RXFP1: variants seen among roughly 807,000 people sequenced by gnomAD.
RXFP1 encodes relaxin receptor 1.
RXFP1 carries 73 observed loss-of-function variants against 89.8 expected under a neutral mutation model. The observed-to-expected ratio is 0.81, with a 90% CI of 0.67 to 0.99. The LOEUF (loss-of-function observed/expected upper bound fraction) is 0.99. RXFP1 is among the 50% of genes least tolerant of loss of function. The pLI is 0.00. For missense variants in RXFP1, 793 were observed against 895.5 expected, an observed-to-expected ratio of 0.89 and a Z score of 1.46; for synonymous variants, 277 against 305.5, an observed-to-expected ratio of 0.91 and a Z score of 0.97.
chr4:158,626,156 A>T (rs138692402), intron 9 of RXFP1, among the ~76,000 whole-genome samples: 43 of 144,694 alleles, frequency 3.0e-4, no homozygotes, highest in African/African-American at 1.1e-3. Flanking sequence ...AGATAGATAG[A>T]TAGATAGATA....
chr4:158,649,702 TAA>T (rs1772276548), intron 17 of RXFP1, among the ~76,000 whole-genome samples: 1 of 152,134 alleles, frequency 6.6e-6, no homozygotes, highest in Admixed American at 6.5e-5. Context: ...TACAAAAAAA[TAA>T]GTGTTGGTAA....
chr4:158,613,182 G>A (rs72963775), intron 8 of RXFP1, among the ~76,000 whole-genome samples: 6,193 of 152,184 alleles, frequency 0.041, 385 homozygotes, highest in African/African-American at 0.14. Flanking sequence ...AGTTTTCAGC[G>A]AGTCATAATC....
At chr4:158,537,913 A>G (rs1745651242) in intron 1 of RXFP1, among the ~76,000 whole-genome samples, 1 of 152,198 alleles carries the variant, frequency 6.6e-6, no homozygotes, top group Non-Finnish European at 1.5e-5. Flanking sequence ...AATCTTCCTG[A>G]GGGAGGGATA....
In RXFP1 at chr4:158,612,360, C is replaced by G. The variant is rs1302905009; in HGVS notation, c.678C>G (p.Leu226=). Residue 226 remains leucine (L), a splice_region_variant and synonymous_variant, in exon 8 of 18, where the codon CTC becomes CTG. Transcript: ENST00000307765. ...PTFYGLNSLI[L]LVLMNNVLTR... ...TTTATGGACTAAATTCTCTTATTCT[C>G]TTGTAAGTACTAAACTAAAGCAAAT... The G allele has an allele frequency of 6.3e-7, 1 of 1,591,616 alleles. No homozygotes were observed. Among genetic ancestry groups the G allele is most frequent in the Non-Finnish European group, 8.6e-7 (1 of 1,162,214 alleles).
intron 2 of RXFP1, among the ~76,000 whole-genome samples, chr4:158,574,547 C>T (rs1361016571): frequency 6.6e-6 from 1 of 152,138 alleles, no homozygotes; most frequent in African/African-American, 2.4e-5. Context: ...CACTTTTAAC[C>T]AGTCCGCTAT....
intron 1 of RXFP1, among the ~76,000 whole-genome samples, chr4:158,528,980 C>G (rs929595681): frequency 2.6e-5 from 4 of 152,196 alleles, no homozygotes; most frequent in African/African-American, 4.8e-5. Context: ...AGGCCCTGGT[C>G]GTAGGGAGTC....
intron 10 of RXFP1, among the ~76,000 whole-genome samples, chr4:158,627,386 AAT>A (rs1459046206): frequency 6.6e-6 from 1 of 152,166 alleles, no homozygotes; most frequent in Admixed American, 6.6e-5. Context: ...TGATGAAAGT[AAT>A]ATATAGCACA....
chr4:158,642,623 T>A (rs1215919492), intron 14 of RXFP1, among the ~76,000 whole-genome samples: 1 of 152,202 alleles, frequency 6.6e-6, no homozygotes, highest in Non-Finnish European at 1.5e-5. Flanking sequence ...AATTTCATTC[T>A]TTTTTTATAG....
At chr4:158,607,313 C>A (rs1762709267) in intron 5 of RXFP1, among the ~76,000 whole-genome samples, 1 of 141,426 alleles carries the variant, frequency 7.1e-6, no homozygotes, top group Non-Finnish European at 1.5e-5. Flanking sequence ...TCTTCTAGTC[C>A]TGATTATTTT....
At chr4:158,572,611 A>G (rs2149997224) in intron 1 of RXFP1, 87 bp from the exon 2 acceptor site, 2 of 1,193,504 alleles carry the variant, frequency 1.7e-6, no homozygotes, top group Middle Eastern at 1.9e-4. Flanking sequence ...AAGACAAATG[A>G]TTATAAAATA....
At chr4:158,593,086 C>CAAAA (rs757557258) in intron 2 of RXFP1, among the ~76,000 whole-genome samples, 987 of 94,768 alleles carry the variant, frequency 0.01, 7 homozygotes, top group African/African-American at 0.039. Flanking sequence ...GACTCTGTCT[C>CAAAA]AAAAAAAAAA....
In RXFP1 at chr4:158,568,347, A is replaced by G. The variant is rs115361129; in HGVS notation, c.50-4351A>G. On this transcript the variant is annotated intron_variant, in intron 1 of 17. Transcript: ENST00000307765. ...TATAAATTTTAAAGACTGGACATAA[A>G]AAGATAATATTCAGAAAAGTTATGT... 6.1e-3 allele frequency among the ~76,000 whole-genome samples: 931 copies of G among 152,362 alleles called. 10 individuals are homozygous for G. Among genetic ancestry groups the G allele is most frequent in the African/African-American group, 0.02 (837 of 41,580 alleles).
chr4:158,593,623 CTT>C, intron 3 of RXFP1, 124 bp downstream of exon 3: 1 of 560,448 alleles, frequency 1.8e-6, no homozygotes, highest in East Asian at 3.1e-5. Context: ...ATTAAAGAAA[CTT>C]AAAAATTCGT....
chr4:158,650,310 G>A (rs752121466), intron 17 of RXFP1, among the ~76,000 whole-genome samples: 24 of 151,682 alleles, frequency 1.6e-4, no homozygotes, highest in Admixed American at 1.6e-3. Flanking sequence ...GGTGGTTATG[G>A]TACAATGATA....
intron 2 of RXFP1, among the ~76,000 whole-genome samples, chr4:158,589,216 A>G (rs1271165442): frequency 6.6e-6 from 1 of 152,160 alleles, no homozygotes; most frequent in African/African-American, 2.4e-5. Context: ...CCATGATTCA[A>G]TTATCTCCAC....
rs143015463 is a variant in RXFP1 at position 158,548,810 on chromosome 4, C to T, written c.50-23888C>T. 9.9e-3 allele frequency among the ~76,000 whole-genome samples: 1,504 copies of T among 152,288 alleles called. 9 individuals carry two copies. The highest frequency in any genetic ancestry group is 0.016 in the Non-Finnish European group (1,080 of 68,032). ...CTCTTCTGGCTTGTAGAGTTTCTGC[C>T]GAGAGATCAGCTGTTAGTCTCATGA... On this transcript the variant is annotated intron_variant, in intron 1 of 17. Coordinates refer to ENST00000307765, the MANE Select transcript of RXFP1 (RefSeq NM_021634.4).
intron 1 of RXFP1, among the ~76,000 whole-genome samples, chr4:158,534,752 G>A (rs1744887776): frequency 6.6e-6 from 1 of 151,538 alleles, no homozygotes; most frequent in South Asian, 2.1e-4. Context: ...GCACATCAAT[G>A]CTTAGTCCAG....
chr4:158,595,965 A>G, intron 3 of RXFP1, among the ~76,000 whole-genome samples: 1 of 149,798 alleles, frequency 6.7e-6, no homozygotes, highest in Admixed American at 6.7e-5. Flanking sequence ...CCTGGGCAAC[A>G]TAGTGAGAAC....
In RXFP1 at chr4:158,628,595, G is replaced by A. The variant is rs904810796; in HGVS notation, c.828-43G>A. 1.8e-5 allele frequency: 17 copies of A among 939,264 alleles called. No homozygotes were observed. The Admixed American group carries it at 2.6e-4, about 14-fold the overall frequency. The allele number at this position is 939,264 out of a possible 1,614,324, so 58.2% of individuals were successfully genotyped here. On this transcript the variant is annotated intron_variant, in intron 10 of 17. Transcript: ENST00000307765. ...TTCCTCTCTTTAGTAATTCTTGTCG[G>A]TTACCTAAAGAAGTTACAATGTATT...
Sources: allele counts gnomAD v4.1 joint callset (sites outside exome capture counted in the v4.1 genomes callset), GRCh38; gene constraint gnomAD v4.1.1; transcripts MANE v1.5; gene names NCBI Gene and HGNC (gene_info 2026-07-23, HGNC 2026-07-21).